Variants in LRP1B observed in about 807,000 individuals in gnomAD.
The protein encoded by LRP1B is LDL receptor related protein 1B.
In LRP1B, 217 loss-of-function variants were observed where a neutral mutation model predicts 556.6. The observed-to-expected ratio is 0.39, with a 90% CI of 0.35 to 0.44. LRP1B has a LOEUF of 0.44. Ranked by LOEUF, LRP1B falls within the 20% of genes least tolerant of loss-of-function variation. The pLI is 1.00. For missense variants in LRP1B, 5,053 were observed against 5,620.8 expected (o/e 0.90, Z 3.23); for synonymous variants, 2,047 against 1,865.8 (o/e 1.10, Z -2.50).
chr2:141,683,656 T>G (rs1234419040), intron 2 of LRP1B, among the ~76,000 whole-genome samples: 3 of 151,968 alleles, frequency 2.0e-5, no homozygotes, highest in South Asian at 2.1e-4. Context: ...AGGAAAGAAA[T>G]AAATTTAGGG....
intron 20 of LRP1B, among the ~76,000 whole-genome samples, chr2:140,946,199 T>C (rs1303140999): frequency 6.6e-6 from 1 of 152,092 alleles, no homozygotes; most frequent in Non-Finnish European, 1.5e-5. Flanking sequence ...AGTCAAAAAA[T>C]AACAGATGTT....
At chr2:141,509,105 G>A (rs1300363075) in intron 2 of LRP1B, among the ~76,000 whole-genome samples, 1 of 151,988 alleles carries the variant, frequency 6.6e-6, no homozygotes, top group South Asian at 2.1e-4. Flanking sequence ...TTCCAATTTA[G>A]GGCGCTTTCA....
chr2:142,021,739 T>C (rs1268229793), intron 1 of LRP1B, among the ~76,000 whole-genome samples: 1 of 152,136 alleles, frequency 6.6e-6, no homozygotes, highest in African/African-American at 2.4e-5. Flanking sequence ...AAGTAGAATA[T>C]TTTAATAACA....
chr2:140,910,672 G>T (rs1032846510), intron 21 of LRP1B, among the ~76,000 whole-genome samples: 2 of 151,804 alleles, frequency 1.3e-5, no homozygotes, highest in African/African-American at 4.8e-5. Flanking sequence ...TAAAGAAATT[G>T]TAATGGTTCA....
rs1213601532 is a variant in LRP1B, at chr2:140,321,248, TTTTGTTA to T, written c.12640+708_12640+714del. On this transcript the variant is annotated intron_variant, in intron 82 of 90. Coordinates refer to ENST00000389484, the MANE Select transcript of LRP1B (RefSeq NM_018557.3). ...CATACTGTTTTGTGTTTTTTTTATTTTTTGTTATTTAATATTTAGCATCTGAAGTAAT... is the reference window on the plus strand; with the variant it reads ...CATACTGTTTTGTGTTTTTTTTATTTTTTAATATTTAGCATCTGAAGTAAT... Among the ~76,000 whole-genome samples, 6 of 152,134 alleles carry T rather than the reference TTTTGTTA, an allele frequency of 3.9e-5. No individual in the cohort carries two copies. In the East Asian group the frequency reaches 1.2e-3, roughly 30 times the overall value.
chr2:141,750,101 T>C (rs562311331), intron 2 of LRP1B, among the ~76,000 whole-genome samples: 1 of 152,260 alleles, frequency 6.6e-6, no homozygotes, highest in Admixed American at 6.5e-5. Flanking sequence ...GAGGAGCAGC[T>C]ATACATGTCT....
chr2:141,040,940 T>C (rs1218118663), intron 11 of LRP1B, among the ~76,000 whole-genome samples: 5 of 152,128 alleles, frequency 3.3e-5, no homozygotes, highest in Admixed American at 3.3e-4. Context: ...TTCCTGGCTA[T>C]TCTTCTCTTC....
chr2:141,954,399 T>G (rs1701192621), intron 1 of LRP1B, among the ~76,000 whole-genome samples: 1 of 152,110 alleles, frequency 6.6e-6, no homozygotes, highest in Admixed American at 6.6e-5. Context: ...CAGTATTTAT[T>G]GCAGGGAAGT....
intron 7 of LRP1B, among the ~76,000 whole-genome samples, chr2:141,099,519 A>T (rs1400099513): frequency 6.6e-6 from 1 of 152,214 alleles, no homozygotes; most frequent in Non-Finnish European, 1.5e-5. Flanking sequence ...TTGCCAAAGC[A>T]TGTATGAGTG....
intron 8 of LRP1B, among the ~76,000 whole-genome samples, chr2:141,061,166 T>A (rs372760149): frequency 2.6e-5 from 4 of 151,672 alleles, no homozygotes. Flanking sequence ...ACCTTTAACA[T>A]TGAACAGGTT....
At chr2:140,684,437 C>T (rs1407884643) in intron 41 of LRP1B, among the ~76,000 whole-genome samples, 1 of 152,156 alleles carries the variant, frequency 6.6e-6, no homozygotes, top group East Asian at 1.9e-4. Context: ...TGTTCCAGGC[C>T]TAAGCAATCC....
intron 21 of LRP1B, among the ~76,000 whole-genome samples, chr2:140,908,387 TATATAA>T (rs201840464): frequency 7.3e-4 from 80 of 110,108 alleles, no homozygotes; most frequent in Admixed American, 1.0e-3. Context: ...TATATATATA[TATATAA>T]AAAGAAGGTT....
At chr2:140,764,684 T>C (rs557641836) in intron 35 of LRP1B, among the ~76,000 whole-genome samples, 1 of 152,260 alleles carries the variant, frequency 6.6e-6, no homozygotes, top group Non-Finnish European at 1.5e-5. Flanking sequence ...AAAGTAGAGT[T>C]CCCATATATT....
At chr2:141,636,269 T>C (rs1689105789) in intron 2 of LRP1B, among the ~76,000 whole-genome samples, 1 of 152,144 alleles carries the variant, frequency 6.6e-6, no homozygotes, top group Non-Finnish European at 1.5e-5. Flanking sequence ...AATATGTAAA[T>C]TGTTTTATTA....
rs1408619232 is a variant in LRP1B at position 141,091,845 on chromosome 2, GC to G, written c.1014-29573del. On this transcript the variant is annotated intron_variant, in intron 7 of 90. Transcript: ENST00000389484. ...CCACCATATTTGTGACTGTTGTTGGGCTCTGTGGTGGTAGGAGGTACTTCTT... is the reference window on the plus strand; with the variant it reads ...CCACCATATTTGTGACTGTTGTTGGGTCTGTGGTGGTAGGAGGTACTTCTT... Among the ~76,000 whole-genome samples, 4 of 152,166 alleles carry G rather than the reference GC, an allele frequency of 2.6e-5. No homozygotes were observed. In the South Asian group the frequency reaches 8.3e-4, roughly 32 times the overall value.
chr2:140,833,797 T>C lies in LRP1B; in HGVS notation c.5209+6194A>G, dbSNP rs527847965. Among the ~76,000 whole-genome samples, 13 of 152,306 alleles carry C rather than the reference T, an allele frequency of 8.5e-5. No individual in the cohort carries two copies. In the South Asian group the frequency reaches 2.7e-3, roughly 32 times the overall value. On this transcript the variant is annotated intron_variant, in intron 31 of 90. Coordinates refer to ENST00000389484, the MANE Select transcript of LRP1B (RefSeq NM_018557.3). ...CAGCTGGTGAACGAACATGTTAGTGTACAAATTTTTTACAAAGGTTATGTT... is the reference window on the plus strand; with the variant it reads ...CAGCTGGTGAACGAACATGTTAGTGCACAAATTTTTTACAAAGGTTATGTT...
intron 1 of LRP1B, among the ~76,000 whole-genome samples, chr2:141,894,635 T>TTAGATCTAGATC (rs6146947): frequency 1.3e-3 from 186 of 147,782 alleles, no homozygotes; most frequent in African/African-American, 3.0e-3. Flanking sequence ...AATAGAATAT[T>TTAGATCTAGATC]TAGATCTAGA....
At chr2:141,213,718 T>A (rs532507448) in intron 6 of LRP1B, among the ~76,000 whole-genome samples, 1 of 152,366 alleles carries the variant, frequency 6.6e-6, no homozygotes, top group South Asian at 2.1e-4. Flanking sequence ...TTCTGTATAT[T>A]TTAAGTCATC....
chr2:141,545,401 A>G (rs563298534), intron 2 of LRP1B, among the ~76,000 whole-genome samples: 2 of 152,348 alleles, frequency 1.3e-5, no homozygotes, highest in South Asian at 4.1e-4. Context: ...ATGGGCCTTC[A>G]AAGATGTCCA....
Sources: gnomAD v4.1 joint callset for allele counts (sites outside exome capture counted in the v4.1 genomes callset) on GRCh38, gnomAD v4.1.1 for gene constraint, MANE v1.5 for transcripts, NCBI Gene and HGNC (gene_info 2026-07-23, HGNC 2026-07-21) for gene names.